The following OLFM2 variants were observed in gnomAD, a reference collection of about 807,000 sequenced individuals.
OLFM2 encodes noelin-2.
OLFM2 carries 20 observed loss-of-function variants against 43.9 expected under a neutral mutation model. The ratio of observed to expected loss-of-function variants is 0.46; its 90% CI spans 0.32 to 0.66. The LOEUF is 0.66. Among genes scored for constraint, OLFM2 ranks in the 30% least tolerant of loss-of-function variants. The pLI is 0.04. For synonymous variants in OLFM2, 268 were observed against 278.6 expected (o/e 0.96, Z 0.38); for missense variants, 416 against 643.6 (o/e 0.65, Z 3.83).
At chr19:9,894,527 C>T (rs937063888) in intron 1 of OLFM2, among the ~76,000 whole-genome samples, 6 of 151,446 alleles carry the variant, frequency 4.0e-5, no homozygotes, top group Non-Finnish European at 7.4e-5. Flanking sequence ...CTGACCAACA[C>T]GGAGAAACCC....
intron 1 of OLFM2, among the ~76,000 whole-genome samples, chr19:9,898,734 CCT>C (rs974779424): frequency 5.3e-5 from 8 of 152,112 alleles, no homozygotes; most frequent in African/African-American, 1.9e-4. Context: ...TTTCTGTGTT[CCT>C]CTCTTCCCCC....
chr19:9,878,381 CTTTTTTT>C (rs34231833), intron 1 of OLFM2, among the ~76,000 whole-genome samples: 4 of 57,640 alleles, frequency 6.9e-5, no homozygotes, highest in Non-Finnish European at 9.9e-5. Context: ...TCATTTCTCT[CTTTTTTT>C]TTTTTTTTTT....
At chr19:9,927,273 C>A (rs2086459414) in intron 1 of OLFM2, among the ~76,000 whole-genome samples, 1 of 152,058 alleles carries the variant, frequency 6.6e-6, no homozygotes. Context: ...CAGAGCGAGG[C>A]TCTGTCTCGA....
intron 1 of OLFM2, among the ~76,000 whole-genome samples, chr19:9,919,463 G>A (rs375053779): frequency 9.9e-5 from 15 of 150,874 alleles, no homozygotes; most frequent in East Asian, 3.9e-4. Context: ...CACCTTGCCC[G>A]GCCGAGACCT....
In OLFM2 at chr19:9,870,667, C is replaced by T. The variant is rs544940565; in HGVS notation, c.64-9873G>A. On this transcript the variant is annotated intron_variant, in intron 1 of 5. Transcript: ENST00000264833. Reference sequence around the variant, plus strand: ...GGCCTGCTGCCAATCCCCGCACTCTCCCCTTCTTAGGGCCAGGCTAACTCT... The same window carrying T: ...GGCCTGCTGCCAATCCCCGCACTCTTCCCTTCTTAGGGCCAGGCTAACTCT... Among the ~76,000 whole-genome samples the T allele has an allele frequency of 2.6e-5, 4 of 152,250 alleles. No individual in the cohort carries two copies. The East Asian group carries it at 7.7e-4, about 29-fold the overall frequency.
chr19:9,911,105 A>G (rs749880052), intron 1 of OLFM2, among the ~76,000 whole-genome samples: 10 of 152,216 alleles, frequency 6.6e-5, no homozygotes, highest in Non-Finnish European at 1.5e-4. Context: ...TTTGAACAGC[A>G]GATCTCTGTT....
chr19:9,865,327 A>G (rs1599468273), intron 1 of OLFM2, among the ~76,000 whole-genome samples: 2 of 151,154 alleles, frequency 1.3e-5, no homozygotes, highest in Non-Finnish European at 2.9e-5. Context: ...TAGTCTCACC[A>G]TCGCACCTAC....
chr19:9,893,596 C>T (rs897957427), intron 1 of OLFM2, among the ~76,000 whole-genome samples: 2 of 152,164 alleles, frequency 1.3e-5, no homozygotes, highest in African/African-American at 4.8e-5. Flanking sequence ...CCTAGTAGAA[C>T]GTTCACAATC....
chr19:9,893,877 C>T (rs915410225), intron 1 of OLFM2, among the ~76,000 whole-genome samples: 7 of 152,132 alleles, frequency 4.6e-5, no homozygotes, highest in Admixed American at 6.6e-5. Context: ...GGTTTCAAGA[C>T]GTTACAAGAA....
At chr19:9,877,458 G>A (rs1472377380) in intron 1 of OLFM2, among the ~76,000 whole-genome samples, 1 of 151,890 alleles carries the variant, frequency 6.6e-6, no homozygotes, top group Non-Finnish European at 1.5e-5. Flanking sequence ...GCTGGAACTC[G>A]GGAGGCGGAG....
At chr19:9,869,086 G>A (rs1396600654) in intron 1 of OLFM2, among the ~76,000 whole-genome samples, 1 of 145,676 alleles carries the variant, frequency 6.9e-6, no homozygotes, top group Non-Finnish European at 1.5e-5. Context: ...TGAACAATCA[G>A]CATATGGCCG....
intron 1 of OLFM2, among the ~76,000 whole-genome samples, chr19:9,897,012 C>T (rs1000205352): frequency 1.3e-5 from 2 of 151,914 alleles, no homozygotes; most frequent in Admixed American, 1.3e-4. Flanking sequence ...GGCAACATAG[C>T]GAGACCCTGT....
intron 1 of OLFM2, among the ~76,000 whole-genome samples, chr19:9,906,360 C>T (rs558262130): frequency 5.9e-5 from 9 of 152,214 alleles, no homozygotes; most frequent in Middle Eastern, 3.4e-3. Context: ...ATTGAGATAT[C>T]TTTGCAAATA....
At chr19:9,920,375 T>C (rs1011464350) in intron 1 of OLFM2, among the ~76,000 whole-genome samples, 2 of 152,132 alleles carry the variant, frequency 1.3e-5, no homozygotes, top group African/African-American at 2.4e-5. Context: ...TCCTTAAATT[T>C]TGAGCCCAAG....
At chr19:9,914,559 G>T (rs2046859962) in intron 1 of OLFM2, among the ~76,000 whole-genome samples, 1 of 151,808 alleles carries the variant, frequency 6.6e-6, no homozygotes, top group Non-Finnish European at 1.5e-5. Context: ...CGGAGACCTG[G>T]CACGCGGCTT....
chr19:9,904,916 G>A (rs966460497), intron 1 of OLFM2, among the ~76,000 whole-genome samples: 2 of 152,130 alleles, frequency 1.3e-5, no homozygotes, highest in Non-Finnish European at 2.9e-5. Context: ...CTATTTGGGA[G>A]GCTCAGGCAG....
At chr19:9,877,418 A>G (rs2046499726) in intron 1 of OLFM2, among the ~76,000 whole-genome samples, 1 of 151,778 alleles carries the variant, frequency 6.6e-6, no homozygotes, top group African/African-American at 2.4e-5. Context: ...CTGTAATCCC[A>G]GCTACTCTGT....
intron 1 of OLFM2, among the ~76,000 whole-genome samples, chr19:9,931,510 G>A (rs570706375): frequency 3.2e-4 from 48 of 152,136 alleles, no homozygotes; most frequent in African/African-American, 1.1e-3. Flanking sequence ...AGACCAGCCT[G>A]GCCAAAATGG....
intron 1 of OLFM2, among the ~76,000 whole-genome samples, chr19:9,889,878 C>T (rs1290299173): frequency 2.0e-5 from 3 of 151,688 alleles, no homozygotes; most frequent in Non-Finnish European, 4.4e-5. Context: ...CCACCAGCCA[C>T]AGGCCTGTTA....
Sources: gnomAD v4.1 joint callset for allele counts (sites outside exome capture counted in the v4.1 genomes callset) on GRCh38, gnomAD v4.1.1 for gene constraint, MANE v1.5 for transcripts, NCBI Gene and HGNC (gene_info 2026-07-23, HGNC 2026-07-21) for gene names.